Variants in INPP4B observed in about 807,000 individuals in gnomAD.
The protein encoded by INPP4B is inositol polyphosphate 4-phosphatase type II.
In INPP4B, 55 loss-of-function variants were observed where a neutral mutation model predicts 122.5. The observed-to-expected ratio is 0.45, with a 90% CI of 0.36 to 0.56. The LOEUF (loss-of-function observed/expected upper bound fraction) is 0.56. Ranked by LOEUF, INPP4B falls within the 20% of genes least tolerant of loss-of-function variation. INPP4B has a pLI of 0.00. For missense variants in INPP4B, 1,000 were observed against 1,097.7 expected (o/e 0.91, Z 1.26); for synonymous variants, 403 against 388.7 (o/e 1.04, Z -0.43).
chr4:142,826,980 C>T (rs1781533176), intron 1 of INPP4B, among the ~76,000 whole-genome samples: 1 of 152,192 alleles, frequency 6.6e-6, no homozygotes, highest in African/African-American at 2.4e-5. Context: ...CCTATTATGC[C>T]AAAGTCATCT....
At chr4:142,085,706 C>T (rs1186413899) in intron 24 of INPP4B, among the ~76,000 whole-genome samples, 2 of 152,144 alleles carry the variant, frequency 1.3e-5, no homozygotes, top group Non-Finnish European at 2.9e-5. Flanking sequence ...AATTAACAAA[C>T]ACATTTATAA....
At chr4:142,315,317 G>C (rs779483539) in intron 7 of INPP4B, among the ~76,000 whole-genome samples, 2 of 152,062 alleles carry the variant, frequency 1.3e-5, no homozygotes, top group African/African-American at 4.8e-5. Flanking sequence ...TCCCACTTGA[G>C]AATTCTGGGC....
At chr4:142,680,156 T>A (rs1758419331) in intron 2 of INPP4B, among the ~76,000 whole-genome samples, 1 of 151,874 alleles carries the variant, frequency 6.6e-6, no homozygotes, top group Non-Finnish European at 1.5e-5. Flanking sequence ...CTAGACTTCA[T>A]TATTTTTAGA....
At chr4:142,788,114 C>T (rs766884566) in intron 1 of INPP4B, among the ~76,000 whole-genome samples, 10 of 151,886 alleles carry the variant, frequency 6.6e-5, no homozygotes, top group Non-Finnish European at 1.2e-4. Flanking sequence ...ACCCATGTGG[C>T]GCAGAGCATA....
At chr4:142,077,205 T>C (rs546285802) in intron 25 of INPP4B, among the ~76,000 whole-genome samples, 72 of 151,932 alleles carry the variant, frequency 4.7e-4, no homozygotes, top group Non-Finnish European at 8.4e-4. Context: ...AGCCCTGTAT[T>C]GCGAGGGTGA....
At chr4:142,570,428 A>C (rs770101030) in intron 2 of INPP4B, among the ~76,000 whole-genome samples, 2 of 152,004 alleles carry the variant, frequency 1.3e-5, no homozygotes, top group African/African-American at 2.4e-5. Context: ...AACATTTCTT[A>C]AAGTGTTTTA....
At position 142,822,779 on chromosome 4, in the gene INPP4B, C is replaced by T. The variant is rs1780947527; in HGVS notation, c.-254+23430G>A. Among the ~76,000 whole-genome samples, 3 of 152,170 alleles carry T rather than the reference C, an allele frequency of 2.0e-5. No homozygotes were observed. In the East Asian group the frequency reaches 5.8e-4, roughly 29 times the overall value. On this transcript the variant is annotated intron_variant, in intron 1 of 25. Transcript: ENST00000262992. ...CCTCAACAACAACAGTGGACATTCT[C>T]TCCATTTTTACATAGTCTCTTAGCC...
chr4:142,502,833 G>C (rs1261407590), intron 2 of INPP4B, among the ~76,000 whole-genome samples: 1 of 152,024 alleles, frequency 6.6e-6, no homozygotes, highest in Non-Finnish European at 1.5e-5. Flanking sequence ...CAGAACTTAA[G>C]CATCAGTTCT....
At chr4:142,122,312 C>T (rs1796890600) in intron 20 of INPP4B, 67 bp from the exon 21 acceptor site, 1 of 1,106,678 alleles carries the variant, frequency 9.0e-7, no homozygotes, top group Non-Finnish European at 1.4e-6. Context: ...GCTACTATGC[C>T]TCCCTGCTGG....
intron 2 of INPP4B, among the ~76,000 whole-genome samples, chr4:142,525,605 C>T (rs1826800551): frequency 1.2e-5 from 1 of 80,080 alleles, no homozygotes; most frequent in African/African-American, 4.0e-5. Context: ...ACTATCTGAT[C>T]TTTGACAAAC....
chr4:142,828,214 A>G (rs1339057400), intron 1 of INPP4B, among the ~76,000 whole-genome samples: 4 of 152,190 alleles, frequency 2.6e-5, no homozygotes, highest in Admixed American at 2.6e-4. Context: ...AATGTCAGGA[A>G]ACTAGGCCTT....
chr4:142,144,223 AC>A (rs2152837663), intron 18 of INPP4B, among the ~76,000 whole-genome samples: 1 of 506 alleles, frequency 2.0e-3, no homozygotes, highest in Non-Finnish European at 7.2e-3. Context: ...AATACAAGAT[AC>A]ACACACACAC....
chr4:142,746,299 G>A (rs1291475051), intron 1 of INPP4B, among the ~76,000 whole-genome samples: 1 of 151,944 alleles, frequency 6.6e-6, no homozygotes, highest in Non-Finnish European at 1.5e-5. Flanking sequence ...AACATACCTA[G>A]GAATATGACT....
chr4:142,191,075 TA>T (rs1835599062), intron 15 of INPP4B, among the ~76,000 whole-genome samples: 1 of 152,062 alleles, frequency 6.6e-6, no homozygotes, highest in South Asian at 2.1e-4. Context: ...CAAGATGAAG[TA>T]AATGCAATCT....
At chr4:142,827,976 G>A (rs1781644654) in intron 1 of INPP4B, among the ~76,000 whole-genome samples, 2 of 152,020 alleles carry the variant, frequency 1.3e-5, no homozygotes, top group African/African-American at 4.8e-5. Flanking sequence ...AGAACTCTGA[G>A]GTACCCAAAA....
rs997333979 is a variant in INPP4B at position 142,632,373 on chromosome 4, A to C, written c.-191+93466T>G. Among the ~76,000 whole-genome samples, 4 of 152,120 alleles carry C rather than the reference A, an allele frequency of 2.6e-5. No homozygotes were observed. In the South Asian group the frequency reaches 6.2e-4, roughly 24 times the overall value. ...ATATTACATGATTTCACTCATATGT[A>C]GGAGTTAAGAAAGTAGATCTCATGA... is the stretch of plus-strand genomic sequence containing the variant. On this transcript the variant is annotated intron_variant, in intron 2 of 25. Transcript: ENST00000262992.
chr4:142,663,841 A>G (rs1039213860), intron 2 of INPP4B, among the ~76,000 whole-genome samples: 1 of 151,826 alleles, frequency 6.6e-6, no homozygotes, highest in African/African-American at 2.4e-5. Context: ...GTAAGTGGAA[A>G]TTTTCACTCT....
At chr4:142,323,556 T>C (rs896082648) in intron 7 of INPP4B, among the ~76,000 whole-genome samples, 5 of 151,232 alleles carry the variant, frequency 3.3e-5, no homozygotes, top group East Asian at 2.0e-4. Context: ...CACCATTCTC[T>C]TGCCTCAGCC....
intron 5 of INPP4B, chr4:142,426,759 T>C (rs1216780019): frequency 6.6e-6 from 1 of 151,962 alleles, no homozygotes; most frequent in Admixed American, 6.6e-5. Context: ...AAATAACTTA[T>C]ACAAAGCAAT....
Sources: allele counts gnomAD v4.1 joint callset (sites outside exome capture counted in the v4.1 genomes callset), GRCh38; gene constraint gnomAD v4.1.1; transcripts MANE v1.5; gene names NCBI Gene and HGNC (gene_info 2026-07-23, HGNC 2026-07-21).